MEGF9: variants seen among roughly 807,000 people sequenced by gnomAD.
MEGF9 encodes multiple epidermal growth factor-like domains protein 9.
MEGF9 carries 6 observed loss-of-function variants against 46.8 expected under a neutral mutation model. That is an observed-to-expected ratio of 0.13 (90% CI 0.07 to 0.25). MEGF9 has a LOEUF of 0.25. Ranked by LOEUF, MEGF9 falls within the 10% of genes least tolerant of loss-of-function variation. The pLI is 1.00. For missense variants in MEGF9, 683 were observed against 792.4 expected, an observed-to-expected ratio of 0.86 and a Z score of 1.66; for synonymous variants, 302 against 330.7, an observed-to-expected ratio of 0.91 and a Z score of 0.94.
chr9:120,635,503 A>G (rs2043570075), intron 2 of MEGF9, among the ~76,000 whole-genome samples: 1 of 150,820 alleles, frequency 6.6e-6, no homozygotes, highest in Non-Finnish European at 1.5e-5. Flanking sequence ...ACTCTTTTTC[A>G]TTCATATTTC....
chr9:120,699,508 A>G (rs970312409), intron 1 of MEGF9, among the ~76,000 whole-genome samples: 1 of 151,898 alleles, frequency 6.6e-6, no homozygotes, highest in Non-Finnish European at 1.5e-5. Context: ...GTTTGAAGCC[A>G]GGAGTATAGT....
intron 4 of MEGF9, 54 bp from the exon 5 acceptor site, chr9:120,608,064 A>G: frequency 1.9e-6 from 3 of 1,583,600 alleles, no homozygotes; most frequent in Non-Finnish European, 2.6e-6. Flanking sequence ...ACAATTAAAA[A>G]TGCAAAACAA....
intron 1 of MEGF9, among the ~76,000 whole-genome samples, chr9:120,709,420 A>T (rs2043942938): frequency 6.6e-6 from 1 of 152,072 alleles, no homozygotes. Flanking sequence ...CTCAAAAAAA[A>T]AAACAAAAAA....
At chr9:120,649,501 A>T (rs1184885502) in intron 2 of MEGF9, among the ~76,000 whole-genome samples, 1 of 152,052 alleles carries the variant, frequency 6.6e-6, no homozygotes, top group African/African-American at 2.4e-5. Context: ...GTGTGAATGC[A>T]CCCTATGATG....
chr9:120,697,299 T>C (rs2043882077), intron 1 of MEGF9, among the ~76,000 whole-genome samples: 1 of 152,098 alleles, frequency 6.6e-6, no homozygotes, highest in African/African-American at 2.4e-5. Context: ...CCCAGGCGGG[T>C]CTCAAACTCC....
chr9:120,713,712 G>A (rs774143494), intron 1 of MEGF9, 46 bp downstream of exon 1: 29 of 1,270,192 alleles, frequency 2.3e-5, no homozygotes, highest in Admixed American at 3.6e-5. Context: ...GATTGCCGGG[G>A]CTGAGGTGAG....
intron 1 of MEGF9, among the ~76,000 whole-genome samples, chr9:120,706,398 A>G (rs2043928989): frequency 6.6e-6 from 1 of 152,144 alleles, no homozygotes; most frequent in African/African-American, 2.4e-5. Context: ...TAGGTCAGGC[A>G]TAAGGTATGA....
chr9:120,681,956 G>A (rs1435270532), intron 1 of MEGF9, among the ~76,000 whole-genome samples: 1 of 152,124 alleles, frequency 6.6e-6, no homozygotes, highest in Non-Finnish European at 1.5e-5. Flanking sequence ...TGTCCTCTTT[G>A]TAAAGACTTT....
Position 120,644,525 on chromosome 9 carries a change from G to A in MEGF9, c.803+14849C>T, listed in dbSNP as rs115126793. ...GCTTACTGAAAATAAGCAGTGGTTC[G>A]GCCAACCAATTAACAAACACTAGGA... On this transcript the variant is annotated intron_variant, in intron 2 of 5. Transcript: ENST00000373930. 6.9e-3 allele frequency among the ~76,000 whole-genome samples: 1,046 copies of A among 152,144 alleles called. 10 individuals carry two copies. Among genetic ancestry groups the A allele is most frequent in the African/African-American group, 0.023 (968 of 41,488 alleles).
At chr9:120,628,883 T>C (rs899539640) in intron 2 of MEGF9, among the ~76,000 whole-genome samples, 2 of 152,138 alleles carry the variant, frequency 1.3e-5, no homozygotes, top group Non-Finnish European at 2.9e-5. Context: ...TTTAGAGAAT[T>C]GTCTTGAAAC....
intron 1 of MEGF9, among the ~76,000 whole-genome samples, chr9:120,705,147 C>T (rs948696110): frequency 2.6e-5 from 4 of 151,736 alleles, no homozygotes; most frequent in South Asian, 2.1e-4. Context: ...GAGAGAATAC[C>T]GCATTCTGAA....
chr9:120,636,208 G>A (rs1190517616), intron 2 of MEGF9, among the ~76,000 whole-genome samples: 2 of 152,278 alleles, frequency 1.3e-5, no homozygotes, highest in Middle Eastern at 3.4e-3. Context: ...AAAGTGCTGG[G>A]ATTACAGGCT....
intron 1 of MEGF9, among the ~76,000 whole-genome samples, chr9:120,695,022 G>C (rs942735619): frequency 2.0e-5 from 3 of 150,466 alleles, no homozygotes; most frequent in Non-Finnish European, 4.4e-5. Context: ...CTAGGTGCTG[G>C]CCATATAGTG....
chr9:120,653,984 G>GGA (rs1374361726), intron 2 of MEGF9, among the ~76,000 whole-genome samples: 3 of 152,198 alleles, frequency 2.0e-5, no homozygotes, highest in Non-Finnish European at 4.4e-5. Context: ...ACAGCAACAA[G>GGA]GAGGTGTGAC....
chr9:120,696,795 TTAAC>T (rs1391262823), intron 1 of MEGF9, among the ~76,000 whole-genome samples: 5 of 152,232 alleles, frequency 3.3e-5, no homozygotes, highest in South Asian at 2.1e-4. Flanking sequence ...TATTAAATGA[TTAAC>T]TAGGCAAATA....
chr9:120,692,989 T>C (rs1191849434), intron 1 of MEGF9, among the ~76,000 whole-genome samples: 1 of 152,148 alleles, frequency 6.6e-6, no homozygotes, highest in Non-Finnish European at 1.5e-5. Flanking sequence ...TCCTTCGCTA[T>C]GTTCTCAATG....
In MEGF9 at chr9:120,713,894, C is replaced by A; in HGVS notation, c.465G>T (p.Ala155=). Residue 155 remains alanine (A), a synonymous_variant, in exon 1 of 6, where the codon GCG becomes GCT. Transcript: ENST00000373930. ...CGGTGGTCGCTACAGGGGTGGTCGG[C>A]GCCGGGCCAGTGGTCGTCGAAAGGG... ...PTTLSTTTGP[A]PTTPVATTVP... 7.5e-7 allele frequency: 1 copy of A among 1,326,468 alleles called. No individual in the cohort carries two copies. The highest frequency in any genetic ancestry group is 9.7e-7 in the Non-Finnish European group (1 of 1,034,070). 82.2% of individuals were successfully genotyped at this position (1,326,468 alleles called of 1,614,324 possible).
At chr9:120,620,343 C>G (rs186420972) in intron 3 of MEGF9, among the ~76,000 whole-genome samples, 1 of 152,194 alleles carries the variant, frequency 6.6e-6, no homozygotes, top group African/African-American at 2.4e-5. Context: ...TTCCTCTGTA[C>G]GCCTTTCCAT....
At chr9:120,647,540 G>A (rs1012587754) in intron 2 of MEGF9, among the ~76,000 whole-genome samples, 2 of 151,832 alleles carry the variant, frequency 1.3e-5, no homozygotes, top group Admixed American at 1.3e-4. Context: ...CTACTTTCAC[G>A]GAAAAAAATA....
Sources: gnomAD v4.1 joint callset for allele counts (sites outside exome capture counted in the v4.1 genomes callset) on GRCh38, gnomAD v4.1.1 for gene constraint, MANE v1.5 for transcripts, NCBI Gene and HGNC (gene_info 2026-07-23, HGNC 2026-07-21) for gene names.